The following RARB variants were observed in gnomAD, a reference collection of about 807,000 sequenced individuals.
RARB encodes retinoic acid receptor beta, also known as HBV-activated protein.
Under a neutral mutation model 51.9 loss-of-function variants are expected in RARB, and 17 were observed. The observed-to-expected ratio is 0.33, with a 90% CI of 0.22 to 0.49. The LOEUF (loss-of-function observed/expected upper bound fraction) is 0.49. RARB is among the 20% of genes least tolerant of loss of function. RARB has a pLI of 0.99. For missense variants in RARB, 369 were observed against 550.8 expected (o/e 0.67, Z 3.30); for synonymous variants, 215 against 195.4 (o/e 1.10, Z -0.84).
At chr3:25,485,382 T>C (rs1340062239) in intron 2 of RARB, among the ~76,000 whole-genome samples, 1 of 152,242 alleles carries the variant, frequency 6.6e-6, no homozygotes, top group African/African-American at 2.4e-5. Flanking sequence ...TCTGGCCTTT[T>C]GGGTGAGTGT....
intron 4 of RARB, among the ~76,000 whole-genome samples, chr3:25,137,843 G>A (rs1700055301): frequency 6.6e-6 from 1 of 152,098 alleles, no homozygotes; most frequent in Admixed American, 6.6e-5. Flanking sequence ...CCACAGCCAT[G>A]ACTGAGAGGC....
chr3:25,227,269 T>C (rs1702075273), intron 5 of RARB, among the ~76,000 whole-genome samples: 1 of 152,184 alleles, frequency 6.6e-6, no homozygotes, highest in Admixed American at 6.5e-5. Context: ...GAATATGTTA[T>C]ATAATAAAAT....
intron 3 of RARB, among the ~76,000 whole-genome samples, chr3:25,516,734 C>G (rs1019406654): frequency 6.6e-6 from 1 of 151,288 alleles, no homozygotes; most frequent in Admixed American, 6.6e-5. Flanking sequence ...TCAAGTGATT[C>G]TCGTGCCTCA....
chr3:25,208,111 G>A (rs1318565451), intron 5 of RARB, among the ~76,000 whole-genome samples: 1 of 152,052 alleles, frequency 6.6e-6, no homozygotes, highest in Non-Finnish European at 1.5e-5. Context: ...AGTGCCGAGG[G>A]GATGGTGCTA....
chr3:25,061,295 A>G (rs918577531), intron 3 of RARB, among the ~76,000 whole-genome samples: 16 of 151,878 alleles, frequency 1.1e-4, no homozygotes, highest in Non-Finnish European at 4.4e-5. Flanking sequence ...AGCAAAGGTA[A>G]ACATATCAAA....
intron 5 of RARB, among the ~76,000 whole-genome samples, chr3:25,326,959 A>G (rs1185992875): frequency 1.3e-5 from 2 of 152,086 alleles, no homozygotes; most frequent in East Asian, 3.9e-4. Context: ...ATTTAACATT[A>G]GGTATATCTC....
chr3:25,568,761 A>G (rs1280188270), intron 3 of RARB, among the ~76,000 whole-genome samples: 1 of 152,226 alleles, frequency 6.6e-6, no homozygotes, highest in Non-Finnish European at 1.5e-5. Context: ...TGGCATGCAC[A>G]GCCAGGCAGC....
chr3:25,046,639 G>C (rs901970629), intron 2 of RARB, among the ~76,000 whole-genome samples: 9 of 151,958 alleles, frequency 5.9e-5, no homozygotes, highest in African/African-American at 2.2e-4. Flanking sequence ...TTTTTTGATA[G>C]AGACGGGGTT....
At chr3:24,929,256 A>G (rs751179478) in intron 2 of RARB, among the ~76,000 whole-genome samples, 2 of 152,152 alleles carry the variant, frequency 1.3e-5, no homozygotes, top group African/African-American at 4.8e-5. Flanking sequence ...CCCAGGTACT[A>G]GCCTTACTTA....
chr3:25,060,192 A>G (rs1431451353), intron 3 of RARB: 1 of 151,962 alleles, frequency 6.6e-6, no homozygotes, highest in East Asian at 1.9e-4. Flanking sequence ...TAATGAAAGA[A>G]AAAGTAAATT....
intron 2 of RARB, among the ~76,000 whole-genome samples, chr3:24,880,966 C>T (rs553895470): frequency 6.6e-6 from 1 of 152,066 alleles, no homozygotes; most frequent in African/African-American, 2.4e-5. Context: ...CTCTGTGTCC[C>T]CACCCAAATC....
At chr3:24,980,477 T>A (rs1167463268) in intron 2 of RARB, among the ~76,000 whole-genome samples, 2 of 152,172 alleles carry the variant, frequency 1.3e-5, no homozygotes, top group African/African-American at 2.4e-5. Flanking sequence ...TTCTCTTCTT[T>A]CTCTAATCTT....
chr3:25,434,158 C>G (rs1455415919), intron 1 of RARB, among the ~76,000 whole-genome samples: 2 of 152,164 alleles, frequency 1.3e-5, no homozygotes, highest in African/African-American at 4.8e-5. Flanking sequence ...CCAGGAGTCT[C>G]TAGGCTTCCC....
chr3:25,202,415 T>C (rs1029762886), intron 5 of RARB, among the ~76,000 whole-genome samples: 2 of 152,226 alleles, frequency 1.3e-5, no homozygotes, highest in East Asian at 1.9e-4. Flanking sequence ...TTTTGAAGGG[T>C]TTTTTGTGTC....
intron 5 of RARB, among the ~76,000 whole-genome samples, chr3:25,208,109 G>T (rs1328026118): frequency 6.6e-6 from 1 of 152,134 alleles, no homozygotes; most frequent in Admixed American, 6.5e-5. Flanking sequence ...ACAGTGCCGA[G>T]GGGATGGTGC....
intron 5 of RARB, among the ~76,000 whole-genome samples, chr3:25,175,994 C>T (rs1700736272): frequency 6.6e-6 from 1 of 152,166 alleles, no homozygotes; most frequent in African/African-American, 2.4e-5. Flanking sequence ...TTACTTTTAG[C>T]TAACAAATGA....
chr3:24,971,558 A>G (rs1696398541), intron 2 of RARB, among the ~76,000 whole-genome samples: 5 of 152,060 alleles, frequency 3.3e-5, no homozygotes, highest in Admixed American at 3.3e-4. Context: ...CTTACTCTTT[A>G]AATGCCAAAG....
chr3:24,886,891 C>G (rs968434717), intron 2 of RARB, among the ~76,000 whole-genome samples: 1 of 152,200 alleles, frequency 6.6e-6, no homozygotes, highest in Non-Finnish European at 1.5e-5. Context: ...AATGTATAGA[C>G]CATGTGTCTA....
intron 5 of RARB, among the ~76,000 whole-genome samples, chr3:25,217,825 C>T (rs1157138115): frequency 1.3e-5 from 2 of 152,178 alleles, no homozygotes; most frequent in African/African-American, 4.8e-5. Flanking sequence ...CTTTGCAAAG[C>T]TCTGGGGATA....
Sources: gnomAD v4.1 joint callset for allele counts (sites outside exome capture counted in the v4.1 genomes callset) on GRCh38, gnomAD v4.1.1 for gene constraint, MANE v1.5 for transcripts, NCBI Gene and HGNC (gene_info 2026-07-23, HGNC 2026-07-21) for gene names.